The following CRACR2A variants were observed in gnomAD, a reference collection of about 807,000 sequenced individuals.
CRACR2A encodes the protein calcium release activated channel regulator 2A.
In CRACR2A, 79 loss-of-function variants were observed where a neutral mutation model predicts 90.5. That is an observed-to-expected ratio of 0.87 (90% CI 0.73 to 1.05). CRACR2A has a LOEUF of 1.05. Ranked by LOEUF, CRACR2A falls within the 50% of genes least tolerant of loss-of-function variation. The pLI, the probability that CRACR2A is intolerant of heterozygous loss-of-function variation, is 0.00. For synonymous variants in CRACR2A, 338 were observed against 356.7 expected (o/e 0.95, Z 0.59); for missense variants, 823 against 897.2 (o/e 0.92, Z 1.06).
At chr12:3,695,135 T>G (rs1945717016) in intron 4 of CRACR2A, among the ~76,000 whole-genome samples, 1 of 152,246 alleles carries the variant, frequency 6.6e-6, no homozygotes, top group Non-Finnish European at 1.5e-5. Context: ...TGCACAGTAC[T>G]TGTGGCCCAG....
At chr12:3,619,683 T>C (rs1867779222) in intron 17 of CRACR2A, among the ~76,000 whole-genome samples, 1 of 152,174 alleles carries the variant, frequency 6.6e-6, no homozygotes, top group Admixed American at 6.5e-5. Context: ...CAAGGTGTGC[T>C]GGATGAGGGG....
chr12:3,686,574 T>TCTCTCC (rs560602693), intron 4 of CRACR2A, among the ~76,000 whole-genome samples: 3 of 152,142 alleles, frequency 2.0e-5, no homozygotes, highest in Non-Finnish European at 4.4e-5. Flanking sequence ...CTGCCCATCC[T>TCTCTCC]CTCTCCCTCT....
intron 17 of CRACR2A, among the ~76,000 whole-genome samples, chr12:3,621,878 A>G (rs557957378): frequency 1.3e-5 from 2 of 152,058 alleles, no homozygotes; most frequent in South Asian, 2.1e-4. Context: ...CTCATCTCCA[A>G]ATATTTGGCA....
chr12:3,728,980 A>G (rs1251698258), intron 2 of CRACR2A: 5 of 152,240 alleles, frequency 3.3e-5, no homozygotes, highest in Non-Finnish European at 7.3e-5. Flanking sequence ...TGGTTGCTCC[A>G]TGGCGTATTT....
rs774920024 is a variant in CRACR2A at position 3,654,378 on chromosome 12, G to C, written c.880C>G (p.Leu294Val). Residue 294 changes from leucine (L) to valine (V), a missense_variant, in exon 10 of 20, where the codon CTG becomes GTG. Transcript: ENST00000440314. Reference sequence around the variant, plus strand: ...TTGGTCTCATGCTTGTCATGATGCAGGGCTGTGCACTGACCTTCCAGCTGC... The same window carrying C: ...TTGGTCTCATGCTTGTCATGATGCACGGCTGTGCACTGACCTTCCAGCTGC... The part of the protein sequence containing the change: ...QKRLEGQCTA[L>V]HHDKHETKAE... 2.5e-6 allele frequency: 4 copies of C among 1,610,030 alleles called. No homozygotes were observed. The highest frequency in any genetic ancestry group is 3.4e-6 in the Non-Finnish European group (4 of 1,178,648).
intron 3 of CRACR2A, among the ~76,000 whole-genome samples, chr12:3,698,493 G>C (rs1346620048): frequency 2.0e-5 from 3 of 152,170 alleles, no homozygotes; most frequent in African/African-American, 7.2e-5. Flanking sequence ...AGAGCTGTGG[G>C]CCAGAGCTGG....
At chr12:3,629,677 G>C (rs1944343352) in intron 15 of CRACR2A, among the ~76,000 whole-genome samples, 1 of 152,224 alleles carries the variant, frequency 6.6e-6, no homozygotes, top group Non-Finnish European at 1.5e-5. Context: ...CTGGCAGGGA[G>C]TGAGATGGGC....
In CRACR2A at chr12:3,641,781, A is replaced by G. The variant is rs779267336; in HGVS notation, c.1222T>C (p.Ser408Pro). ...ACATATTTGCCTATCACAGAGCCAGATCTCTTTTTCCAACTTGCCCTGGAA... is the reference window on the plus strand; with the variant it reads ...ACATATTTGCCTATCACAGAGCCAGGTCTCTTTTTCCAACTTGCCCTGGAA... ...AASRASWKKR[S>P]GSVIGKYVDS... Residue 408 changes from serine to proline, a missense_variant, in exon 13 of 20, where the codon TCT becomes CCT. By Grantham distance (74) the Ser-to-Pro change is moderately conservative. Coordinates refer to ENST00000440314, the MANE Select transcript of CRACR2A (RefSeq NM_001144958.2). The G allele has an allele frequency of 6.4e-7, 1 of 1,551,628 alleles. No homozygotes were observed. The highest frequency in any genetic ancestry group is 2.4e-5 in the East Asian group (1 of 40,912).
At chr12:3,646,050 G>A (rs1026620565) in intron 11 of CRACR2A, among the ~76,000 whole-genome samples, 1 of 152,180 alleles carries the variant, frequency 6.6e-6, no homozygotes, top group African/African-American at 2.4e-5. Context: ...CAGAGAAGAA[G>A]GCAGAGACAT....
At chr12:3,743,013 T>C (rs960123135) in intron 1 of CRACR2A, among the ~76,000 whole-genome samples, 1 of 152,228 alleles carries the variant, frequency 6.6e-6, no homozygotes, top group East Asian at 1.9e-4. Context: ...ATTAATCCAT[T>C]TTGTTTTTTG....
At chr12:3,643,884 A>ATT in intron 12 of CRACR2A, among the ~76,000 whole-genome samples, 1 of 42,838 alleles carries the variant, frequency 2.3e-5, no homozygotes, top group East Asian at 2.2e-3. Flanking sequence ...ATATATTTAT[A>ATT]TTAATATATA....
At chr12:3,634,376 A>G (rs930061003) in intron 14 of CRACR2A, among the ~76,000 whole-genome samples, 1 of 152,120 alleles carries the variant, frequency 6.6e-6, no homozygotes, top group Admixed American at 6.5e-5. Flanking sequence ...GAGGGTCTCC[A>G]CTTAGGAAGC....
At chr12:3,626,674 A>C (rs148778954) in intron 17 of CRACR2A, among the ~76,000 whole-genome samples, 32 of 152,350 alleles carry the variant, frequency 2.1e-4, no homozygotes, top group African/African-American at 7.7e-4. Context: ...TGTTCTGTGA[A>C]GGAATCAGCC....
chr12:3,622,653 C>T (rs1038032563), intron 17 of CRACR2A, among the ~76,000 whole-genome samples: 4 of 151,814 alleles, frequency 2.6e-5, no homozygotes, highest in African/African-American at 4.8e-5. Context: ...TGTGTGCGTG[C>T]GTTTTAATAT....
chr12:3,627,414 C>T (rs1944285201), intron 17 of CRACR2A, 22 bp downstream of exon 17: 1 of 1,534,790 alleles, frequency 6.5e-7, no homozygotes, highest in Non-Finnish European at 8.8e-7. Context: ...CCTAAATGCT[C>T]CTAGGAAGGT....
intron 8 of CRACR2A, among the ~76,000 whole-genome samples, chr12:3,658,287 T>C (rs1299514886): frequency 2.0e-5 from 3 of 152,052 alleles, no homozygotes; most frequent in South Asian, 2.1e-4. Flanking sequence ...CTCTGACCTA[T>C]AGTCATGGCC....
intron 3 of CRACR2A, among the ~76,000 whole-genome samples, chr12:3,703,427 A>T (rs1304828449): frequency 2.6e-5 from 4 of 152,270 alleles, no homozygotes; most frequent in African/African-American, 9.6e-5. Context: ...TATACAAAAA[A>T]TAACTACAAT....
intron 5 of CRACR2A, among the ~76,000 whole-genome samples, chr12:3,679,985 C>T (rs1945415332): frequency 6.6e-6 from 1 of 152,186 alleles, no homozygotes; most frequent in Non-Finnish European, 1.5e-5. Flanking sequence ...TCTCCCTTGC[C>T]AGTCCCAGTG....
intron 17 of CRACR2A, among the ~76,000 whole-genome samples, chr12:3,623,276 C>T (rs1416475508): frequency 1.3e-5 from 2 of 152,146 alleles, no homozygotes; most frequent in African/African-American, 4.8e-5. Context: ...TTAGATTAAT[C>T]TCCACGTTTT....
Sources: allele counts gnomAD v4.1 joint callset (sites outside exome capture counted in the v4.1 genomes callset), GRCh38; gene constraint gnomAD v4.1.1; transcripts MANE v1.5; gene names NCBI Gene and HGNC (gene_info 2026-07-23, HGNC 2026-07-21).